Variants in DHX40 observed in about 807,000 individuals in gnomAD.
The protein encoded by DHX40 is DEAH-box helicase 40, also known as probable ATP-dependent RNA helicase DHX40.
Under a neutral mutation model 89.6 loss-of-function variants are expected in DHX40, and 28 were observed. That is an observed-to-expected ratio of 0.31 (90% CI 0.23 to 0.43). The LOEUF (loss-of-function observed/expected upper bound fraction) is 0.43, where lower values mean the gene tolerates loss of function less well. Among genes scored for constraint, DHX40 ranks in the 20% least tolerant of loss-of-function variants. The pLI is 1.00. For missense variants in DHX40, 457 were observed against 844.0 expected (o/e 0.54, Z 5.68); for synonymous variants, 226 against 283.6 (o/e 0.80, Z 2.04).
At chr17:59,600,422 C>T (rs1024077441) in intron 14 of DHX40, among the ~76,000 whole-genome samples, 1 of 150,386 alleles carries the variant, frequency 6.6e-6, no homozygotes, top group African/African-American at 2.4e-5. Context: ...TATAAGTTTG[C>T]ATTTCCTAGC....
In DHX40 at chr17:59,571,602, T is replaced by C. The variant is rs112789957; in HGVS notation, c.426+939T>C. On this transcript the variant is annotated intron_variant, in intron 3 of 17. Coordinates refer to ENST00000251241, the MANE Select transcript of DHX40 (RefSeq NM_024612.5). ...CCCTAGCCTCTGGTAACTTCTTTTT[T>C]TTTTTTGAGACGAAGTCTCACACCA... Among the ~76,000 whole-genome samples the C allele has an allele frequency of 6.4e-3, 978 of 151,908 alleles. 6 individuals are homozygous for C. Among genetic ancestry groups the C allele is most frequent in the African/African-American group, 0.022 (914 of 41,448 alleles).
intron 11 of DHX40, among the ~76,000 whole-genome samples, chr17:59,587,137 C>T (rs1357627679): frequency 1.4e-5 from 2 of 146,464 alleles, no homozygotes; most frequent in African/African-American, 5.1e-5. Flanking sequence ...GCCTGGGAGA[C>T]GGAGCAAGAC....
intron 10 of DHX40, among the ~76,000 whole-genome samples, chr17:59,585,522 A>G (rs1490112183): frequency 6.6e-6 from 1 of 151,280 alleles, no homozygotes; most frequent in Non-Finnish European, 1.5e-5. Context: ...CAGGAGTTCA[A>G]GACCAGCCTG....
chr17:59,573,754 T>G lies in DHX40; in HGVS notation c.561T>G (p.Gly187=). 1.2e-6 allele frequency: 2 copies of G among 1,614,016 alleles called. No individual in the cohort carries two copies. The highest frequency in any genetic ancestry group is 1.7e-6 in the Non-Finnish European group (2 of 1,179,964). ...TTTTCTTTCAGGATATCTTATTTGGTTTATTGAAGAAGCTATTTCAGGAGA... is the reference window on the plus strand; with the variant it reads ...TTTTCTTTCAGGATATCTTATTTGGGTTATTGAAGAAGCTATTTCAGGAGA... ...ERTLTTDILF[G]LLKKLFQEKS... The change falls in exon 5 of 18, where the codon GGT becomes GGG. Residue 187 remains glycine, a synonymous_variant. Coordinates refer to ENST00000251241, the MANE Select transcript of DHX40 (RefSeq NM_024612.5).
intron 14 of DHX40, among the ~76,000 whole-genome samples, chr17:59,601,853 GC>G (rs1178558054): frequency 2.0e-5 from 3 of 152,164 alleles, no homozygotes; most frequent in Non-Finnish European, 4.4e-5. Flanking sequence ...TCAGTGCAGG[GC>G]TAGTTATTCC....
In DHX40 at chr17:59,565,686, C is replaced by T. The variant is rs138260089; in HGVS notation, c.15C>T (p.Pro5=). ...GGGCCAGGTCTATGTCCCGGTTTCCCGCAGTCGCGGGCAGGGCGCCAAGGC... is the reference window on the plus strand; with the variant it reads ...GGGCCAGGTCTATGTCCCGGTTTCCTGCAGTCGCGGGCAGGGCGCCAAGGC... The part of the protein sequence containing the change: MSRF[P]AVAGRAPRRQ... Residue 5 remains proline, a synonymous_variant, in exon 1 of 18, where the codon CCC becomes CCT. Transcript: ENST00000251241. 5.8e-5 allele frequency: 93 copies of T among 1,601,446 alleles called. 1 individual carries two copies. The Middle Eastern group carries it at 1.3e-3, about 23-fold the overall frequency.
intron 14 of DHX40, among the ~76,000 whole-genome samples, chr17:59,600,890 A>G (rs895684096): frequency 2.1e-5 from 3 of 144,402 alleles, no homozygotes; most frequent in African/African-American, 7.9e-5. Context: ...TTTTATGCGT[A>G]CAGGTCACTG....
chr17:59,604,534 A>G (rs1471387367), intron 15 of DHX40: 1 of 154,404 alleles, frequency 6.5e-6, no homozygotes, highest in Non-Finnish European at 1.4e-5. Flanking sequence ...ACTATAGGAA[A>G]TAAATTATGA....
At chr17:59,573,274 G>A (rs1176362362) in intron 4 of DHX40, 39 bp downstream of exon 4, 3 of 1,552,872 alleles carry the variant, frequency 1.9e-6, no homozygotes, top group Admixed American at 2.0e-5. Flanking sequence ...TTATTAGCAA[G>A]TAGTTTGTTT....
At position 59,590,670 on chromosome 17, in the gene DHX40, C is replaced by G. The variant is rs182081979; in HGVS notation, c.1582+2617C>G. 3.0e-3 allele frequency among the ~76,000 whole-genome samples: 458 copies of G among 151,414 alleles called. 9 individuals are homozygous for G. The highest frequency in any genetic ancestry group is 4.6e-3 in the Admixed American group (70 of 15,218). ...ATTTTTATACAGATGGGGTTTCACT[C>G]TGTTGCCCAGGCTGGTCTCAAACTC... On this transcript the variant is annotated intron_variant, in intron 12 of 17. Transcript: ENST00000251241.
In DHX40 at chr17:59,578,988, GTA is replaced by G. The variant is rs370261937; in HGVS notation, c.1074-466_1074-465del. Among the ~76,000 whole-genome samples the G allele has an allele frequency of 7.6e-3, 1,023 of 135,176 alleles. 8 individuals are homozygous for G. Among genetic ancestry groups the G allele is most frequent in the East Asian group, 0.027 (81 of 3,042 alleles). The allele number at this position is 135,176 out of a possible 152,430, so 88.7% of individuals were successfully genotyped here. A position where few individuals can be genotyped will look rare whatever the true frequency, so the allele number is the denominator to read the frequency against. ...GAATAATATTGCATAGTGTGTGTGTGTATATATATATATATATATTCCATTGT... is the reference window on the plus strand; with the variant it reads ...GAATAATATTGCATAGTGTGTGTGTGTATATATATATATATATTCCATTGT... On this transcript the variant is annotated intron_variant, in intron 8 of 17. Coordinates refer to ENST00000251241, the MANE Select transcript of DHX40 (RefSeq NM_024612.5).
chr17:59,603,901 C>CCT (rs2030688472), intron 15 of DHX40: 1 of 152,120 alleles, frequency 6.6e-6, no homozygotes, highest in Non-Finnish European at 1.5e-5. Flanking sequence ...ATCTAATCAT[C>CCT]CTGAAACAGA....
At chr17:59,576,958 C>G in intron 7 of DHX40, 2 of 339,410 alleles carry the variant, frequency 5.9e-6, no homozygotes, top group Non-Finnish European at 1.1e-5. Context: ...CAACCTCTGC[C>G]TCCCAGATTC....
chr17:59,604,940 T>C (rs547859624), intron 15 of DHX40, 175 bp from the exon 16 acceptor site: 46 of 603,244 alleles, frequency 7.6e-5, no homozygotes, highest in Non-Finnish European at 1.1e-4. Context: ...CCTGTATAAT[T>C]AATTTAAGAT....
At chr17:59,601,899 C>G (rs1376763823) in intron 14 of DHX40, among the ~76,000 whole-genome samples, 4 of 152,206 alleles carry the variant, frequency 2.6e-5, no homozygotes, top group Non-Finnish European at 5.9e-5. Flanking sequence ...GAGTACTCTT[C>G]CTAACATCAC....
At chr17:59,576,125 A>C (rs2048879431) in intron 7 of DHX40, among the ~76,000 whole-genome samples, 1 of 148,148 alleles carries the variant, frequency 6.8e-6, no homozygotes, top group African/African-American at 2.5e-5. Context: ...GCTGGTTTCA[A>C]ACTCCTGACC....
intron 7 of DHX40, among the ~76,000 whole-genome samples, chr17:59,576,356 A>G (rs892882549): frequency 4.6e-5 from 7 of 151,102 alleles, no homozygotes; most frequent in Admixed American, 2.6e-4. Context: ...TTTGTTTTAT[A>G]AAACTTTTAT....
intron 12 of DHX40, among the ~76,000 whole-genome samples, chr17:59,598,152 C>T (rs939989344): frequency 6.6e-6 from 1 of 151,982 alleles, no homozygotes; most frequent in Non-Finnish European, 1.5e-5. Context: ...CAGGTGTGAG[C>T]TACCACACCT....
At position 59,607,576 on chromosome 17, in the gene DHX40, C is replaced by T; in HGVS notation, c.*404C>T. ...ATTTTTCTTAAAATCTCTTTAAGGC[C>T]TTCTTGTTGCTGTTAGAATAGTGCT... On this transcript the variant is annotated 3_prime_UTR_variant, in exon 18 of 18. Transcript: ENST00000251241. 1 of 393,798 alleles carries T rather than the reference C, an allele frequency of 2.5e-6. No individual in the cohort carries two copies. Among genetic ancestry groups the T allele is most frequent in the East Asian group, 4.4e-5 (1 of 22,712 alleles). The allele number at this position is 393,798 out of a possible 1,614,324, so 24.4% of individuals were successfully genotyped here. A position where few individuals can be genotyped will look rare whatever the true frequency, so the allele number is the denominator to read the frequency against.
Sources: allele counts gnomAD v4.1 joint callset (sites outside exome capture counted in the v4.1 genomes callset), GRCh38; gene constraint gnomAD v4.1.1; transcripts MANE v1.5; gene names NCBI Gene and HGNC (gene_info 2026-07-23, HGNC 2026-07-21).